The following NDST3 variants were observed in gnomAD, a reference collection of about 807,000 sequenced individuals.
NDST3 encodes the protein N-deacetylase and N-sulfotransferase 3.
Under a neutral mutation model 96.1 loss-of-function variants are expected in NDST3, and 58 were observed. The observed-to-expected ratio is 0.60, with a 90% CI of 0.49 to 0.75. The LOEUF (loss-of-function observed/expected upper bound fraction) is 0.75. Among genes scored for constraint, NDST3 ranks in the 30% least tolerant of loss-of-function variants. NDST3 has a pLI of 0.00. For missense variants in NDST3, 788 were observed against 1,034.2 expected (o/e 0.76, Z 3.27); for synonymous variants, 333 against 359.7 (o/e 0.93, Z 0.84).
chr4:118,191,431 G>A (rs781349454), intron 6 of NDST3, among the ~76,000 whole-genome samples: 3 of 152,152 alleles, frequency 2.0e-5, no homozygotes, highest in Non-Finnish European at 4.4e-5. Context: ...TTGATAGGTG[G>A]TGATCTTTTA....
chr4:118,156,964 A>G (rs1734749619), intron 6 of NDST3, among the ~76,000 whole-genome samples: 1 of 152,208 alleles, frequency 6.6e-6, no homozygotes, highest in Non-Finnish European at 1.5e-5. Flanking sequence ...AGAAGGAATT[A>G]CCACAAAGTC....
intron 1 of NDST3, among the ~76,000 whole-genome samples, chr4:118,040,845 T>TTA (rs1487447321): frequency 1.4e-5 from 2 of 137,936 alleles, no homozygotes; most frequent in African/African-American, 2.6e-5. Context: ...TCCAACTAAT[T>TTA]TATATATATA....
At position 118,207,057 on chromosome 4, in the gene NDST3, A is replaced by T. The variant is rs1174024865; in HGVS notation, c.1540-17434A>T. On this transcript the variant is annotated intron_variant, in intron 6 of 13. Transcript: ENST00000296499. ...TGTACTGATTAAAACAATCTCTAAG[A>T]TGTATTAAATTTTTAAAAATTAATA... 1.4e-5 allele frequency among the ~76,000 whole-genome samples: 2 copies of T among 142,686 alleles called. 1 individual carries two copies. Among genetic ancestry groups the T allele is most frequent in the Non-Finnish European group, 3.1e-5 (2 of 64,820 alleles). The allele number at this position is 142,686 out of a possible 152,430, so 93.6% of individuals were successfully genotyped here.
At chr4:118,081,503 T>A (rs1173399283) in intron 2 of NDST3, among the ~76,000 whole-genome samples, 1 of 152,166 alleles carries the variant, frequency 6.6e-6, no homozygotes, top group Non-Finnish European at 1.5e-5. Flanking sequence ...AATTTACTTC[T>A]TTCTTAATGA....
Position 118,146,356 on chromosome 4 carries a change from A to T in NDST3, c.1539+2672A>T, listed in dbSNP as rs539844487. ...ACAAAAAGATAGATGTGTATTGGAAACATGGCACTTAAATACATTCACATA... is the reference window on the plus strand; with the variant it reads ...ACAAAAAGATAGATGTGTATTGGAATCATGGCACTTAAATACATTCACATA... On this transcript the variant is annotated intron_variant, in intron 6 of 13. Transcript: ENST00000296499. 2.4e-4 allele frequency among the ~76,000 whole-genome samples: 37 copies of T among 152,364 alleles called. 2 individuals carry two copies. The South Asian group carries it at 7.7e-3, about 32-fold the overall frequency.
chr4:118,145,240 G>T (rs1271226141), intron 6 of NDST3, among the ~76,000 whole-genome samples: 1 of 152,156 alleles, frequency 6.6e-6, no homozygotes, highest in Non-Finnish European at 1.5e-5. Flanking sequence ...GCCTGGTTAT[G>T]AACTGAAGAA....
chr4:118,066,198 ATATTT>A lies in NDST3; in HGVS notation c.981+11311_981+11315del, dbSNP rs1335893358. On this transcript the variant is annotated intron_variant, in intron 2 of 13. Transcript: ENST00000296499. ...TTATATATTATATATCTTATATATT[ATATTT>A]TATATATTATACATAATATATTATA... 1.5e-3 allele frequency among the ~76,000 whole-genome samples: 108 copies of A among 69,708 alleles called. 3 individuals carry two copies. Among genetic ancestry groups the A allele is most frequent in the East Asian group, 5.6e-3 (13 of 2,342 alleles). 45.7% of individuals were successfully genotyped at this position (69,708 alleles called of 152,430 possible).
chr4:118,236,749 A>G (rs1225723067), intron 9 of NDST3, among the ~76,000 whole-genome samples: 1 of 152,214 alleles, frequency 6.6e-6, no homozygotes, highest in Middle Eastern at 3.2e-3. Flanking sequence ...CACATTTGAT[A>G]TAGTTAGGTC....
At chr4:118,142,296 ATATATAGAGTTTTTATT>A (rs1319990941) in intron 5 of NDST3, among the ~76,000 whole-genome samples, 1 of 151,900 alleles carries the variant, frequency 6.6e-6, no homozygotes, top group Non-Finnish European at 1.5e-5. Flanking sequence ...AATAAATAGG[ATATATAGAGTTTTTATT>A]TATGCAGATA....
intron 6 of NDST3, among the ~76,000 whole-genome samples, chr4:118,147,062 C>T (rs1216858581): frequency 6.6e-6 from 1 of 152,140 alleles, no homozygotes; most frequent in Admixed American, 6.5e-5. Context: ...AACCGGACTA[C>T]CTGGAAAGAG....
At chr4:118,060,559 A>T (rs1346879697) in intron 2 of NDST3, among the ~76,000 whole-genome samples, 1 of 152,142 alleles carries the variant, frequency 6.6e-6, no homozygotes, top group Non-Finnish European at 1.5e-5. Context: ...TAATTGGATT[A>T]TCAATGTATA....
intron 5 of NDST3, among the ~76,000 whole-genome samples, chr4:118,141,064 T>G (rs1733536308): frequency 1.3e-5 from 2 of 152,192 alleles, no homozygotes; most frequent in African/African-American, 4.8e-5. Context: ...AAGTATTTGT[T>G]GGCAGTTGCT....
intron 6 of NDST3, among the ~76,000 whole-genome samples, chr4:118,152,703 T>A (rs1040943330): frequency 1.3e-5 from 2 of 152,208 alleles, no homozygotes; most frequent in African/African-American, 4.8e-5. Context: ...TAACTTTCTC[T>A]TTTCTGTACT....
chr4:118,111,535 ATTT>A lies in NDST3; in HGVS notation c.1070-3254_1070-3252del, dbSNP rs149834516. Among the ~76,000 whole-genome samples the A allele has an allele frequency of 4.0e-3, 527 of 132,360 alleles. 1 individual carries two copies. The highest frequency in any genetic ancestry group is 0.013 in the South Asian group (52 of 4,040). The allele number at this position is 132,360 out of a possible 152,430, so 86.8% of individuals were successfully genotyped here. A position where few individuals can be genotyped will look rare whatever the true frequency, so the allele number is the denominator to read the frequency against. ...ACACTTCAACTAATTTTTAATCATGATTTTTTTTTTTTTTTTTTTGAGATGGAG... is the reference window on the plus strand; with the variant it reads ...ACACTTCAACTAATTTTTAATCATGATTTTTTTTTTTTTTTTGAGATGGAG... On this transcript the variant is annotated intron_variant, in intron 3 of 13. Transcript: ENST00000296499.
At chr4:118,078,521 G>A (rs998595000) in intron 2 of NDST3, among the ~76,000 whole-genome samples, 1 of 152,172 alleles carries the variant, frequency 6.6e-6, no homozygotes, top group Non-Finnish European at 1.5e-5. Context: ...GAAGGCCGAG[G>A]TGGGTGGATC....
At chr4:118,116,000 T>C (rs537251264) in intron 4 of NDST3, among the ~76,000 whole-genome samples, 10 of 152,156 alleles carry the variant, frequency 6.6e-5, no homozygotes, top group African/African-American at 2.4e-4. Flanking sequence ...TCCATGCTGA[T>C]ACTGTGAAAA....
intron 6 of NDST3, among the ~76,000 whole-genome samples, chr4:118,223,654 C>T (rs1389272017): frequency 6.6e-6 from 1 of 151,992 alleles, no homozygotes; most frequent in Non-Finnish European, 1.5e-5. Context: ...ATCTCTGTCA[C>T]ATTACCTCAA....
intron 2 of NDST3, among the ~76,000 whole-genome samples, chr4:118,058,273 G>A (rs1057430713): frequency 2.6e-5 from 4 of 151,820 alleles, no homozygotes; most frequent in African/African-American, 9.6e-5. Flanking sequence ...AATAGAAAAT[G>A]TGCTTCCTTA....
At chr4:118,194,519 AAGG>A in intron 6 of NDST3, 1 of 721,574 alleles carries the variant, frequency 1.4e-6, no homozygotes, top group Non-Finnish European at 2.6e-6. Context: ...TCCCAGGTCA[AAGG>A]AGAATTTGTC....
Sources: allele counts gnomAD v4.1 joint callset (sites outside exome capture counted in the v4.1 genomes callset), GRCh38; gene constraint gnomAD v4.1.1; transcripts MANE v1.5; gene names NCBI Gene and HGNC (gene_info 2026-07-23, HGNC 2026-07-21).